TRERF1: variants seen among roughly 807,000 people sequenced by gnomAD.
TRERF1 encodes transcriptional regulating factor 1.
TRERF1 carries 27 observed loss-of-function variants against 122.9 expected under a neutral mutation model. The ratio of observed to expected loss-of-function variants is 0.22; its 90% confidence interval spans 0.16 to 0.30. The LOEUF (loss-of-function observed/expected upper bound fraction) is 0.30. Ranked by LOEUF, TRERF1 falls within the 10% of genes least tolerant of loss-of-function variation. TRERF1 has a pLI of 1.00. For synonymous variants in TRERF1, 636 were observed against 641.7 expected (o/e 0.99, Z 0.13); for missense variants, 1,248 against 1,560.3 (o/e 0.80, Z 3.37).
chr6:42,433,104 G>C (rs897357626), intron 2 of TRERF1, among the ~76,000 whole-genome samples: 1 of 152,128 alleles, frequency 6.6e-6, no homozygotes, highest in Non-Finnish European at 1.5e-5. Context: ...CTAGAGGAAA[G>C]GGAGGTGCAG....
chr6:42,441,997 A>C (rs552319058), intron 2 of TRERF1, among the ~76,000 whole-genome samples: 33 of 152,222 alleles, frequency 2.2e-4, no homozygotes, highest in African/African-American at 6.3e-4. Flanking sequence ...CCTTCTAAAG[A>C]AGCTCAGACT....
In TRERF1 at chr6:42,257,183, A is replaced by G. The variant is rs1483754790; in HGVS notation, c.2337-81T>C. ...CAAGGGCAACTGTCAGGAACTTGAA[A>G]AAGAAGGAAACTAGTTCTTTCTGCA... is the stretch of plus-strand genomic sequence containing the variant. On this transcript the variant is annotated intron_variant, in intron 10 of 17. Coordinates refer to ENST00000372922, the Ensembl canonical transcript of TRERF1. The G allele has an allele frequency of 3.9e-6, 6 of 1,529,258 alleles. No homozygotes were observed. In the Admixed American group the frequency reaches 7.9e-5, roughly 20 times the overall value. 94.7% of individuals were successfully genotyped at this position (1,529,258 alleles called of 1,614,324 possible).
intron 2 of TRERF1, among the ~76,000 whole-genome samples, chr6:42,378,844 G>A (rs543962447): frequency 2.6e-5 from 4 of 152,238 alleles, no homozygotes; most frequent in South Asian, 4.1e-4. Flanking sequence ...AGGCTGGGCC[G>A]GTGGCTCATA....
At chr6:42,344,802 A>C (rs55930820) in intron 3 of TRERF1, among the ~76,000 whole-genome samples, 1 of 151,830 alleles carries the variant, frequency 6.6e-6, no homozygotes, top group Non-Finnish European at 1.5e-5. Context: ...CACCCTACCC[A>C]CCTTCTTTGT....
chr6:42,255,924 A>T (rs1316382436), intron 12 of TRERF1, among the ~76,000 whole-genome samples: 2 of 152,048 alleles, frequency 1.3e-5, no homozygotes, highest in African/African-American at 4.8e-5. Context: ...TGAGGTCAGG[A>T]GTTCGAGACC....
At chr6:42,449,941 C>T (rs1191340909) in intron 2 of TRERF1, among the ~76,000 whole-genome samples, 1 of 152,216 alleles carries the variant, frequency 6.6e-6, no homozygotes, top group Non-Finnish European at 1.5e-5. Flanking sequence ...ACCCCACTGC[C>T]TAGTGGCTAC....
chr6:42,408,007 A>T (rs1582050878), intron 2 of TRERF1, among the ~76,000 whole-genome samples: 1 of 151,778 alleles, frequency 6.6e-6, no homozygotes, highest in East Asian at 1.9e-4. Context: ...GAAAAAAGAA[A>T]GTGAAACACC....
exon 18 of TRERF1, chr6:42,227,594 T>G (rs971174903): frequency 6.6e-6 from 1 of 152,256 alleles, no homozygotes; most frequent in East Asian, 1.9e-4. Context: ...CACCCACAAC[T>G]TGGAGCTGAC....
rs1345729955 is a variant in TRERF1, at chr6:42,269,343, C to T, written c.248G>A (p.Gly83Glu). 7.4e-6 allele frequency: 12 copies of T among 1,614,200 alleles called. No homozygotes were observed. Among genetic ancestry groups the T allele is most frequent in the South Asian group, 2.2e-5 (2 of 91,082 alleles). ...AGGCCCTGCATGACTTCCCCACCCTCCCTGCCTCGAGGTATCCATTTGGCC... is the reference window on the plus strand; with the variant it reads ...AGGCCCTGCATGACTTCCCCACCCTTCCTGCCTCGAGGTATCCATTTGGCC... The change falls in exon 5 of 18, where the codon GGA becomes GAA. Residue 83 changes from glycine to glutamate, a missense_variant. By Grantham distance (98) the Gly-to-Glu change is moderately conservative (BLOSUM62 -2). Transcript: ENST00000372922. This position sits in a 1 kb window ranked among gnomAD's most constrained non-coding sequence, Gnocchi z 4.9.
At chr6:42,301,513 C>T (rs893619509) in intron 3 of TRERF1, among the ~76,000 whole-genome samples, 4 of 152,310 alleles carry the variant, frequency 2.6e-5, no homozygotes, top group Middle Eastern at 3.4e-3. Flanking sequence ...CAGGCGTGGG[C>T]CACCGTGCCC....
At chr6:42,340,280 C>T (rs1766999382) in intron 3 of TRERF1, among the ~76,000 whole-genome samples, 1 of 152,058 alleles carries the variant, frequency 6.6e-6, no homozygotes, top group Non-Finnish European at 1.5e-5. Context: ...TGTGGAGTGA[C>T]AGCTTTAAGG....
intron 4 of TRERF1, among the ~76,000 whole-genome samples, chr6:42,298,734 A>T (rs943805039): frequency 1.9e-4 from 28 of 151,240 alleles, no homozygotes; most frequent in African/African-American, 6.6e-4. Flanking sequence ...GAGGTCAGGA[A>T]TTTGAGACCA....
Position 42,232,560 on chromosome 6 carries a change from A to C in TRERF1, c.3278+121T>G. ...ACCCATCCCAAAGATGACACGAAGA[A>C]GAGTTTTGAGGTCTAAGTTCTTTTT... On this transcript the variant is annotated intron_variant, in intron 17 of 17. Coordinates refer to ENST00000372922, the Ensembl canonical transcript of TRERF1. This position sits in a 1 kb window ranked among gnomAD's most constrained non-coding sequence, Gnocchi z 4.5. 1.6e-6 allele frequency: 2 copies of C among 1,283,872 alleles called. No homozygotes were observed. Among genetic ancestry groups the C allele is most frequent in the Non-Finnish European group, 2.1e-6 (2 of 955,436 alleles). 79.5% of individuals were successfully genotyped at this position (1,283,872 alleles called of 1,614,324 possible).
intron 3 of TRERF1, among the ~76,000 whole-genome samples, chr6:42,344,531 G>A (rs1400226760): frequency 6.6e-6 from 1 of 152,146 alleles, no homozygotes; most frequent in Non-Finnish European, 1.5e-5. Context: ...AAATGGTGGT[G>A]ATCATTACTG....
At chr6:42,340,315 A>G (rs754728296) in intron 3 of TRERF1, among the ~76,000 whole-genome samples, 4 of 152,092 alleles carry the variant, frequency 2.6e-5, no homozygotes, top group African/African-American at 4.8e-5. Flanking sequence ...CCCCAAGACT[A>G]CCTTGGAGGG....
intron 3 of TRERF1, among the ~76,000 whole-genome samples, chr6:42,357,554 C>T (rs1295235380): frequency 1.3e-5 from 2 of 152,080 alleles, no homozygotes; most frequent in African/African-American, 4.8e-5. Flanking sequence ...TTACAGGAGA[C>T]CCATGAAACG....
At chr6:42,414,145 G>GC (rs1466906008) in intron 2 of TRERF1, among the ~76,000 whole-genome samples, 1 of 152,180 alleles carries the variant, frequency 6.6e-6, no homozygotes, top group Middle Eastern at 3.2e-3. Flanking sequence ...AGCAAAAGGA[G>GC]AGACACAAAC....
At chr6:42,243,162 G>A in intron 15 of TRERF1, 86 bp downstream of exon 15, 1 of 1,187,238 alleles carries the variant, frequency 8.4e-7, no homozygotes, top group Non-Finnish European at 1.2e-6. Context: ...TGGCAGCAAA[G>A]CCAAACCAAA....
At chr6:42,258,976 C>T (rs928112716) in intron 9 of TRERF1, among the ~76,000 whole-genome samples, 3 of 152,110 alleles carry the variant, frequency 2.0e-5, no homozygotes, top group African/African-American at 7.2e-5. Flanking sequence ...CTCAAGTGAT[C>T]CACCCGCCTC....
Sources: gnomAD v4.1 joint callset for allele counts (sites outside exome capture counted in the v4.1 genomes callset) on GRCh38, gnomAD v4.1.1 for gene constraint, Gnocchi (gnomAD v3.1) non-coding constraint, MANE v1.5 for transcripts, NCBI Gene and HGNC (gene_info 2026-07-23, HGNC 2026-07-21) for gene names.